SEMA6D: variants seen among roughly 807,000 people sequenced by gnomAD.
SEMA6D encodes semaphorin 6D.
Under a neutral mutation model 106.6 loss-of-function variants are expected in SEMA6D, and 35 were observed. The ratio of observed to expected loss-of-function variants is 0.33; its 90% confidence interval spans 0.25 to 0.44. The LOEUF (loss-of-function observed/expected upper bound fraction) is 0.44. SEMA6D is among the 20% of genes least tolerant of loss of function. The probability of loss-of-function intolerance (pLI) is 1.00; values close to 1 mark genes in which losing one functional copy is unlikely to be tolerated. For missense variants in SEMA6D, 1,185 were observed against 1,345.9 expected, an observed-to-expected ratio of 0.88 and a Z score of 1.87; for synonymous variants, 499 against 487.7, an observed-to-expected ratio of 1.02 and a Z score of -0.31.
At chr15:47,370,505 ACT>A (rs2039229361) in intron 1 of SEMA6D, among the ~76,000 whole-genome samples, 1 of 151,610 alleles carries the variant, frequency 6.6e-6, no homozygotes, top group Non-Finnish European at 1.5e-5. Context: ...ACAGAGACAG[ACT>A]CTGTCTCAAA....
At chr15:47,365,989 T>G (rs2039014782) in intron 1 of SEMA6D, among the ~76,000 whole-genome samples, 1 of 151,966 alleles carries the variant, frequency 6.6e-6, no homozygotes, top group South Asian at 2.1e-4. Flanking sequence ...ACCTACCACG[T>G]TTTTTTCCAG....
chr15:47,381,796 T>C (rs561275924), intron 1 of SEMA6D, among the ~76,000 whole-genome samples: 1 of 152,332 alleles, frequency 6.6e-6, no homozygotes, highest in South Asian at 2.1e-4. Flanking sequence ...ATTGAACTTG[T>C]AGCCACCATG....
Position 47,771,254 on chromosome 15 carries a change from G to C in SEMA6D, c.2691G>C (p.Met897Ile). 6.2e-7 allele frequency: 1 copy of C among 1,614,060 alleles called. No homozygotes were observed. Among genetic ancestry groups the C allele is most frequent in the Non-Finnish European group, 8.5e-7 (1 of 1,179,982 alleles). The change falls in exon 19 of 19, where the codon ATG becomes ATC. Residue 897 changes from methionine (M) to isoleucine (I), a missense_variant. Coordinates refer to ENST00000536845, the MANE Select transcript of SEMA6D (RefSeq NM_001358351.3). ...CAAATAGTAACCCCAAAGCCATCAT[G>C]GGAGACATCCAGATGGCACACCAGA... ...NDPNSNPKAI[M>I]GDIQMAHQNL...
intron 4 of SEMA6D, among the ~76,000 whole-genome samples, chr15:47,687,177 T>C (rs1347310920): frequency 2.0e-5 from 3 of 151,848 alleles, no homozygotes; most frequent in African/African-American, 7.3e-5. Flanking sequence ...AGAGATAAAA[T>C]GAAAGCTCCT....
intron 4 of SEMA6D, among the ~76,000 whole-genome samples, chr15:47,642,374 G>A (rs73392828): frequency 0.024 from 3,481 of 143,150 alleles, 138 homozygotes; most frequent in African/African-American, 0.1. Context: ...CAGACTCTAC[G>A]TGATTTTTTT....
At chr15:47,436,604 T>C (rs1216947519) in intron 2 of SEMA6D, among the ~76,000 whole-genome samples, 1 of 150,682 alleles carries the variant, frequency 6.6e-6, no homozygotes, top group Non-Finnish European at 1.5e-5. Flanking sequence ...AAAAATGCTA[T>C]GTAAAAATGA....
intron 3 of SEMA6D, among the ~76,000 whole-genome samples, chr15:47,547,486 T>A (rs934618586): frequency 6.6e-6 from 1 of 152,198 alleles, no homozygotes; most frequent in Non-Finnish European, 1.5e-5. Context: ...TTCGTTTTTG[T>A]TTTAAACATC....
intron 1 of SEMA6D, among the ~76,000 whole-genome samples, chr15:47,335,408 G>T (rs2037512382): frequency 6.6e-6 from 1 of 152,046 alleles, no homozygotes; most frequent in Non-Finnish European, 1.5e-5. Flanking sequence ...CTGAATAAAA[G>T]CCACTGTAAA....
rs181259881 is a variant in SEMA6D at position 47,409,061 on chromosome 15, C to G, written c.-238-3332C>G. Among the ~76,000 whole-genome samples, 308 of 152,328 alleles carry G rather than the reference C, an allele frequency of 2.0e-3. 5 individuals carry two copies. The highest frequency in any genetic ancestry group is 0.018 in the Admixed American group (277 of 15,304). On this transcript the variant is annotated intron_variant, in intron 1 of 19. Transcript: ENST00000558014. ...TATTGTCTGAGTGTGGGGTAAAATC[C>G]AGGACAAGAGAACCTAGTGATCTTT...
At chr15:47,595,232 T>C (rs2076511643) in intron 3 of SEMA6D, among the ~76,000 whole-genome samples, 1 of 152,222 alleles carries the variant, frequency 6.6e-6, no homozygotes, top group African/African-American at 2.4e-5. Context: ...CTTTATTGTA[T>C]TGAGGTACAT....
At chr15:47,477,884 CT>C (rs10707835) in intron 3 of SEMA6D, among the ~76,000 whole-genome samples, 58,510 of 151,934 alleles carry the variant, frequency 0.39, 12,431 homozygotes, top group African/African-American at 0.58. Flanking sequence ...TAGTTCAGCT[CT>C]TTTCTATGTA....
intron 2 of SEMA6D, among the ~76,000 whole-genome samples, chr15:47,415,059 G>A (rs1484847545): frequency 6.6e-6 from 1 of 152,106 alleles, no homozygotes; most frequent in Non-Finnish European, 1.5e-5. Context: ...ATTTAGTATT[G>A]CTAGAAAGTT....
At chr15:47,763,462 A>G (rs1256828435) in intron 9 of SEMA6D, among the ~76,000 whole-genome samples, 1 of 152,164 alleles carries the variant, frequency 6.6e-6, no homozygotes, top group African/African-American at 2.4e-5. Flanking sequence ...TAGCGACCCC[A>G]TTCAATTTTT....
intron 4 of SEMA6D, among the ~76,000 whole-genome samples, chr15:47,607,176 T>C (rs927801902): frequency 6.6e-6 from 1 of 152,216 alleles, no homozygotes; most frequent in Non-Finnish European, 1.5e-5. Context: ...AGAACTTACA[T>C]TTCTTTTTAA....
At chr15:47,503,896 T>C (rs2043948618) in intron 3 of SEMA6D, among the ~76,000 whole-genome samples, 1 of 152,188 alleles carries the variant, frequency 6.6e-6, no homozygotes. Context: ...CTAATCTTTG[T>C]GTTTACTGCC....
At chr15:47,694,956 G>C (rs1257943310) in intron 4 of SEMA6D, among the ~76,000 whole-genome samples, 1 of 152,146 alleles carries the variant, frequency 6.6e-6, no homozygotes, top group Non-Finnish European at 1.5e-5. Context: ...AACACCATAG[G>C]CATGTGAGCA....
At chr15:47,574,202 T>C (rs2076116491) in intron 3 of SEMA6D, among the ~76,000 whole-genome samples, 1 of 152,234 alleles carries the variant, frequency 6.6e-6, no homozygotes, top group Non-Finnish European at 1.5e-5. Flanking sequence ...GTAAAGTTGG[T>C]CTGCTGTGCA....
chr15:47,608,655 A>G (rs1336417079), intron 4 of SEMA6D, among the ~76,000 whole-genome samples: 1 of 152,172 alleles, frequency 6.6e-6, no homozygotes, highest in African/African-American at 2.4e-5. Context: ...CTATTAATGT[A>G]TATTATGTGT....
chr15:47,245,139 G>T (rs1241906808), intron 1 of SEMA6D, among the ~76,000 whole-genome samples: 1 of 151,798 alleles, frequency 6.6e-6, no homozygotes, highest in Non-Finnish European at 1.5e-5. Context: ...TTTTGTGAAT[G>T]TGTATAGTAC....
Sources: gnomAD v4.1 joint callset for allele counts (sites outside exome capture counted in the v4.1 genomes callset) on GRCh38, gnomAD v4.1.1 for gene constraint, MANE v1.5 for transcripts, NCBI Gene and HGNC (gene_info 2026-07-23, HGNC 2026-07-21) for gene names.